Variants in ZMYND19 observed in about 807,000 individuals in gnomAD.
ZMYND19 encodes the protein zinc finger MYND-type containing 19, also known as zinc finger MYND domain-containing protein 19.
In ZMYND19, 17 loss-of-function variants were observed where a neutral mutation model predicts 32.0. The observed-to-expected ratio is 0.53, with a 90% CI of 0.36 to 0.80. The LOEUF is 0.80. ZMYND19 is among the 30% of genes least tolerant of loss of function. The pLI, the probability that ZMYND19 is intolerant of heterozygous loss-of-function variation, is 0.00. For synonymous variants in ZMYND19, 124 were observed against 113.6 expected (o/e 1.09, Z -0.58); for missense variants, 250 against 293.6 (o/e 0.85, Z 1.09).
rs1842168315 is a variant in ZMYND19, at chr9:137,583,275, G to GT, written c.360-113dup. On this transcript the variant is annotated intron_variant, in intron 4 of 5. Coordinates refer to ENST00000298585, the MANE Select transcript of ZMYND19 (RefSeq NM_138462.3). ...ATCCTGCCCAGGACACCCAGCCCGA[G>GT]TTTGAGTCTCCTTTGGCCCATCCCT... 1.2e-5 allele frequency: 14 copies of GT among 1,199,974 alleles called. No individual in the cohort carries two copies. In the South Asian group the frequency reaches 1.6e-4, roughly 13 times the overall value. The allele number at this position is 1,199,974 out of a possible 1,614,324, so 74.3% of individuals were successfully genotyped here.
chr9:137,588,471 A>G (rs1312620105), intron 2 of ZMYND19, among the ~76,000 whole-genome samples, 188 bp downstream of exon 2: 2 of 152,242 alleles, frequency 1.3e-5, no homozygotes, highest in Non-Finnish European at 2.9e-5. Flanking sequence ...CTCCAGTGGC[A>G]GCAACAGCCA....
At position 137,582,693 on chromosome 9, in the gene ZMYND19, T is replaced by C. The variant is rs1391259701; in HGVS notation, c.541-7A>G. On this transcript the variant is annotated splice_polypyrimidine_tract_variant and splice_region_variant and intron_variant, in intron 5 of 5. Transcript: ENST00000298585. ...AGATGTTGAACTCCCGGAGCTGAAA[T>C]ACAGAACACCTGTGGCTTCACCATC... 1 of 1,612,186 alleles carries C rather than the reference T, an allele frequency of 6.2e-7. No individual in the cohort carries two copies. The highest frequency in any genetic ancestry group is 1.3e-5 in the African/African-American group (1 of 75,042).
chr9:137,589,798 GC>G (rs1324358809), intron 1 of ZMYND19: 1 of 985,376 alleles, frequency 1.0e-6, no homozygotes, highest in Non-Finnish European at 1.2e-6. Context: ...AAGTGGCGCT[GC>G]CTCGGAAAGG....
rs1842234501 is a variant in ZMYND19, at chr9:137,588,664, A to G, written c.106T>C (p.Phe36Leu). The G allele has an allele frequency of 1.2e-6, 2 of 1,614,060 alleles. No individual in the cohort carries two copies. The highest frequency in any genetic ancestry group is 8.5e-7 in the Non-Finnish European group (1 of 1,180,002). ...QDIPLVESYS[F>L]EARMEVDADG... ...GAACAGCCATCCTTACTTACCTCAA[A>G]GGAGTAGCTCTCCACCAGCGGGATG... is the stretch of plus-strand genomic sequence containing the variant. Residue 36 changes from phenylalanine (F) to leucine (L), a missense_variant, in exon 2 of 6, where the codon TTT becomes CTT. By Grantham distance (22) the Phe-to-Leu change is conservative (BLOSUM62 0). This residue lies in a region of ZMYND19 where 212 missense variants were observed against 218.8 expected (regional missense o/e 0.97). Coordinates refer to ENST00000298585, the MANE Select transcript of ZMYND19 (RefSeq NM_138462.3).
Position 137,590,270 on chromosome 9 carries a change from G to T in ZMYND19, c.-7C>A, listed in dbSNP as rs1244086449. On this transcript the variant is annotated 5_prime_UTR_variant, in exon 1 of 6. Coordinates refer to ENST00000298585, the MANE Select transcript of ZMYND19 (RefSeq NM_138462.3). The surrounding 1 kb of genome is among the most constrained non-coding windows in gnomAD (Gnocchi z 4.2). ...CCAATTTGAAGTCGGTCATGGCCGG[G>T]CCTGCGCTCTCGGCCGGCAGCGCCG... 10 of 1,096,876 alleles carry T rather than the reference G, an allele frequency of 9.1e-6. No homozygotes were observed. The highest frequency in any genetic ancestry group is 1.1e-6 in the Non-Finnish European group (1 of 893,970). The allele number at this position is 1,096,876 out of a possible 1,614,324, so 67.9% of individuals were successfully genotyped here.
chr9:137,586,936 G>A (rs1001184242), intron 4 of ZMYND19, 31 bp downstream of exon 4: 2 of 1,610,038 alleles, frequency 1.2e-6, no homozygotes, highest in African/African-American at 2.7e-5. Context: ...AGGCGCCTCT[G>A]CTGGCATCGC....
intron 1 of ZMYND19, chr9:137,589,536 A>C: frequency 2.0e-6 from 2 of 985,448 alleles, no homozygotes; most frequent in Non-Finnish European, 2.4e-6. Context: ...AGAAACCGCC[A>C]AGCCTCAATG....
chr9:137,587,851 T>C (rs1842223608), intron 2 of ZMYND19, 28 bp from the exon 3 acceptor site: 3 of 1,603,272 alleles, frequency 1.9e-6, no homozygotes, highest in Non-Finnish European at 1.7e-6. Context: ...AAAGAGCTGT[T>C]AAAAAACCTC....
intron 2 of ZMYND19, among the ~76,000 whole-genome samples, 187 bp downstream of exon 2, chr9:137,588,472 G>C (rs1000617867): frequency 8.5e-5 from 13 of 152,268 alleles, no homozygotes; most frequent in Non-Finnish European, 7.3e-5. Flanking sequence ...TCCAGTGGCA[G>C]CAACAGCCAG....
Position 137,587,738 on chromosome 9 carries a change from C to T in ZMYND19, c.197G>A (p.Arg66Lys), listed in dbSNP as rs1157626135. ...CCACCACAGCAGCTCATGAAGGAGT[C>T]TCCCAGAGCCCCTTCCTCGGTTCTT... ...FDKNRGRGSG[R>K]LLHELLWERH... The change falls in exon 3 of 6, where the codon AGA becomes AAA. Residue 66 changes from arginine (R) to lysine (K), a missense_variant. By Grantham distance (26) the Arg-to-Lys change is conservative (BLOSUM62 2). Transcript: ENST00000298585. The T allele has an allele frequency of 1.8e-5, 29 of 1,614,122 alleles. No individual in the cohort carries two copies. The highest frequency in any genetic ancestry group is 2.5e-5 in the Non-Finnish European group (29 of 1,180,014).
In ZMYND19 at chr9:137,582,466, G is replaced by T; in HGVS notation, c.*77C>A. 1 of 1,536,634 alleles carries T rather than the reference G, an allele frequency of 6.5e-7. No homozygotes were observed. Among genetic ancestry groups the T allele is most frequent in the South Asian group, 1.2e-5 (1 of 81,002 alleles). On this transcript the variant is annotated 3_prime_UTR_variant, in exon 6 of 6. Coordinates refer to ENST00000298585, the MANE Select transcript of ZMYND19 (RefSeq NM_138462.3). Reference sequence around the variant, plus strand: ...GCAGCTGGCTTTTTTGGCACCTCCAGGTTCAACCACCAGTCTGTCTCTGCT... The same window carrying T: ...GCAGCTGGCTTTTTTGGCACCTCCATGTTCAACCACCAGTCTGTCTCTGCT...
At chr9:137,582,833 G>A (rs1842162593) in intron 5 of ZMYND19, 147 bp from the exon 6 acceptor site, 3 of 1,504,830 alleles carry the variant, frequency 2.0e-6, no homozygotes, top group East Asian at 4.5e-5. Context: ...CCAGCACAAG[G>A]GCAAAGGGAG....
In ZMYND19 at chr9:137,589,616, G is replaced by T. The variant is rs907733542; in HGVS notation, c.51+597C>A. 3.0e-6 allele frequency: 3 copies of T among 985,334 alleles called. No homozygotes were observed. In the African/African-American group the frequency reaches 5.2e-5, roughly 17 times the overall value. The allele number at this position is 985,334 out of a possible 1,614,324, so 61.0% of individuals were successfully genotyped here. Reference sequence around the variant, plus strand: ...GGGCCAAGTAAGAAGAGAAGTCGAGGAAGGCCCTGAGTCTGCAGCATCAGG... The same window carrying T: ...GGGCCAAGTAAGAAGAGAAGTCGAGTAAGGCCCTGAGTCTGCAGCATCAGG... On this transcript the variant is annotated intron_variant, in intron 1 of 5. Coordinates refer to ENST00000298585, the MANE Select transcript of ZMYND19 (RefSeq NM_138462.3).
At chr9:137,588,580 G>A in intron 2 of ZMYND19, 79 bp downstream of exon 2, 1 of 1,524,268 alleles carries the variant, frequency 6.6e-7, no homozygotes, top group South Asian at 1.1e-5. Context: ...TTGCAGCACA[G>A]GGGAGAGAGC....
chr9:137,589,084 G>A (rs573673374), intron 1 of ZMYND19: 1 of 228,480 alleles, frequency 4.4e-6, no homozygotes, highest in Non-Finnish European at 8.6e-6. Flanking sequence ...CCGGGGCTGA[G>A]GCAGAAGAGC....
At chr9:137,587,953 TGGG>T in intron 2 of ZMYND19, 130 bp from the exon 3 acceptor site, 1 of 910,836 alleles carries the variant, frequency 1.1e-6, no homozygotes, top group East Asian at 2.4e-5. Context: ...CCTGAGACCC[TGGG>T]GAGTGCAGAG....
Position 137,582,474 on chromosome 9 carries a change from CA to C in ZMYND19, c.*68del. On this transcript the variant is annotated 3_prime_UTR_variant, in exon 6 of 6. Coordinates refer to ENST00000298585, the MANE Select transcript of ZMYND19 (RefSeq NM_138462.3). ...CTTTTTTGGCACCTCCAGGTTCAAC[CA>C]CCAGTCTGTCTCTGCTGTGCCCAGG... is the stretch of plus-strand genomic sequence containing the variant. 1 of 1,546,538 alleles carries C rather than the reference CA, an allele frequency of 6.5e-7. No individual in the cohort carries two copies. Among genetic ancestry groups the C allele is most frequent in the Non-Finnish European group, 8.7e-7 (1 of 1,146,962 alleles).
intron 1 of ZMYND19, chr9:137,589,500 C>T (rs536452013): frequency 1.0e-6 from 1 of 985,462 alleles, no homozygotes; most frequent in South Asian, 4.7e-5. Context: ...AGGACCCTGG[C>T]TGGTGCAGCT....
At chr9:137,586,826 A>T (rs1328334799) in intron 4 of ZMYND19, 141 bp downstream of exon 4, 1 of 1,188,184 alleles carries the variant, frequency 8.4e-7, no homozygotes, top group Admixed American at 2.6e-5. Context: ...GCTTTGGGGA[A>T]AAACAATGAA....
Sources: allele counts gnomAD v4.1 joint callset (sites outside exome capture counted in the v4.1 genomes callset), GRCh38; gene constraint gnomAD v4.1.1; regional missense constraint gnomAD v4.1.1; non-coding constraint Gnocchi (gnomAD v3.1); transcripts MANE v1.5; gene names NCBI Gene and HGNC (gene_info 2026-07-23, HGNC 2026-07-21).